MYO5B: variants seen among roughly 807,000 people sequenced by gnomAD.
The protein encoded by MYO5B is unconventional myosin-Vb.
A neutral mutation model predicts 229.3 loss-of-function variants in MYO5B; 143 were observed. That is an observed-to-expected ratio of 0.62 (90% confidence interval 0.54 to 0.72). MYO5B has a LOEUF of 0.72. Ranked by LOEUF, MYO5B falls within the 30% of genes least tolerant of loss-of-function variation. The probability of loss-of-function intolerance (pLI) is 0.00; values close to 1 mark genes in which losing one functional copy is unlikely to be tolerated. For synonymous variants in MYO5B, 918 were observed against 885.2 expected (o/e 1.04, Z -0.66); for missense variants, 2,321 against 2,331.0 (o/e 1.00, Z 0.09).
At chr18:49,989,201 C>A (rs765363346) in intron 7 of MYO5B, among the ~76,000 whole-genome samples, 1 of 152,136 alleles carries the variant, frequency 6.6e-6, no homozygotes, top group Admixed American at 6.5e-5. Context: ...TTGCATGGTA[C>A]AAGCATTGAA....
intron 9 of MYO5B, among the ~76,000 whole-genome samples, chr18:49,977,581 G>C (rs2025765798): frequency 6.6e-6 from 1 of 152,176 alleles, no homozygotes; most frequent in Non-Finnish European, 1.5e-5. Flanking sequence ...CAGGCAAGCA[G>C]AGGGCAGTCT....
chr18:49,930,859 T>C (rs2025182131), intron 16 of MYO5B, among the ~76,000 whole-genome samples: 1 of 148,138 alleles, frequency 6.8e-6, no homozygotes, highest in South Asian at 2.1e-4. Flanking sequence ...GCCACTGCAC[T>C]GCAGCCTGGG....
rs118041378 is a variant in MYO5B, at chr18:50,098,327, C to T, written c.28-42949G>A. 1.2e-4 allele frequency among the ~76,000 whole-genome samples: 18 copies of T among 152,190 alleles called. No homozygotes were observed. The East Asian group carries it at 3.3e-3, about 28-fold the overall frequency. ...GTTTAAGGGGCAAGGTGTAAACTAG[C>T]AATCGTTGCTTTGGAGTTACAGGCT... On this transcript the variant is annotated intron_variant, in intron 1 of 39. Coordinates refer to ENST00000285039, the MANE Select transcript of MYO5B (RefSeq NM_001080467.3).
intron 12 of MYO5B, among the ~76,000 whole-genome samples, chr18:49,957,160 A>AAAAAAAAAAAAAC (rs2025502660): frequency 6.6e-6 from 1 of 150,558 alleles, no homozygotes; most frequent in African/African-American, 2.4e-5. Flanking sequence ...AAAAAAAAAA[A>AAAAAAAAAAAAAC]AAAAAGCAGG....
At chr18:50,129,321 C>T (rs1403127321) in intron 1 of MYO5B, among the ~76,000 whole-genome samples, 2 of 152,258 alleles carry the variant, frequency 1.3e-5, no homozygotes, top group African/African-American at 4.8e-5. Flanking sequence ...TCCCTTTCTC[C>T]TCAAGGGAAC....
chr18:50,073,554 G>A (rs778595273), intron 1 of MYO5B, among the ~76,000 whole-genome samples: 1 of 152,070 alleles, frequency 6.6e-6, no homozygotes, highest in Non-Finnish European at 1.5e-5. Context: ...CTTCTTCTGT[G>A]CATGTAACAT....
intron 2 of MYO5B, among the ~76,000 whole-genome samples, 157 bp from the exon 3 acceptor site, chr18:50,040,471 T>C (rs1003344652): frequency 7.2e-5 from 11 of 152,228 alleles, no homozygotes; most frequent in African/African-American, 2.7e-4. Context: ...AATACCTGTG[T>C]TGCCATGAGA....
intron 4 of MYO5B, among the ~76,000 whole-genome samples, chr18:50,031,198 G>A (rs775353877): frequency 2.6e-5 from 4 of 152,158 alleles, no homozygotes; most frequent in Non-Finnish European, 4.4e-5. Context: ...CATTAAGGGA[G>A]GTAGAACAGC....
chr18:49,991,035 G>A (rs1313550499), intron 6 of MYO5B, among the ~76,000 whole-genome samples: 1 of 151,556 alleles, frequency 6.6e-6, no homozygotes, highest in Non-Finnish European at 1.5e-5. Context: ...GGTGGGGTGG[G>A]TGTGGGGGTG....
intron 9 of MYO5B, among the ~76,000 whole-genome samples, chr18:49,979,587 G>A (rs533161085): frequency 9.8e-4 from 150 of 152,356 alleles, no homozygotes; most frequent in Non-Finnish European, 1.4e-3. Flanking sequence ...GCATTAGCTT[G>A]TGAGCAGCAT....
rs532218918 is a variant in MYO5B, at chr18:50,055,253, C to G, written c.138+15G>C. 1.5e-5 allele frequency: 22 copies of G among 1,465,076 alleles called. No individual in the cohort carries two copies. Among genetic ancestry groups the G allele is most frequent in the South Asian group, 6.8e-5 (6 of 87,808 alleles). The allele number at this position is 1,465,076 out of a possible 1,614,324, so 90.8% of individuals were successfully genotyped here. A position where few individuals can be genotyped will look rare whatever the true frequency, so the allele number is the denominator to read the frequency against. ...CCACCTCACCCCCGCCCCCCTGCCC[C>G]GGACTCACTCTTACCGTTTCATCCT... On this transcript the variant is annotated intron_variant, in intron 2 of 39. Coordinates refer to ENST00000285039, the MANE Select transcript of MYO5B (RefSeq NM_001080467.3).
intron 1 of MYO5B, among the ~76,000 whole-genome samples, chr18:50,188,808 A>ACC (rs2033187966): frequency 6.9e-6 from 1 of 144,176 alleles, no homozygotes; most frequent in African/African-American, 2.6e-5. Context: ...AAAAAAAAAA[A>ACC]AAAAAAAAAC....
chr18:50,106,360 T>G (rs918167984), intron 1 of MYO5B, among the ~76,000 whole-genome samples: 2 of 152,162 alleles, frequency 1.3e-5, no homozygotes, highest in African/African-American at 2.4e-5. Flanking sequence ...TTCCCTCCCT[T>G]GCTCAGAGCT....
intron 26 of MYO5B, among the ~76,000 whole-genome samples, chr18:49,872,615 T>C (rs1309018855): frequency 1.3e-5 from 2 of 152,136 alleles, no homozygotes; most frequent in African/African-American, 4.8e-5. Flanking sequence ...GTAATCAAGT[T>C]AAGCTGGGGT....
chr18:49,930,871 G>A (rs1247132362), intron 16 of MYO5B, among the ~76,000 whole-genome samples: 10 of 144,860 alleles, frequency 6.9e-5, no homozygotes, highest in South Asian at 2.2e-4. Context: ...CAGCCTGGGT[G>A]ACAGAGTGAG....
intron 9 of MYO5B, 79 bp from the exon 10 acceptor site, chr18:49,974,694 C>T: frequency 5.2e-6 from 8 of 1,534,806 alleles, no homozygotes; most frequent in Non-Finnish European, 7.1e-6. Flanking sequence ...CACCCTCCTG[C>T]CCAGAGGGAA....
intron 17 of MYO5B, among the ~76,000 whole-genome samples, chr18:49,923,943 C>G (rs905360904): frequency 2.0e-5 from 3 of 152,150 alleles, no homozygotes; most frequent in African/African-American, 7.2e-5. Flanking sequence ...CACCTTGGGT[C>G]TCTCTGCTCA....
intron 1 of MYO5B, among the ~76,000 whole-genome samples, chr18:50,115,551 C>G (rs556225782): frequency 0.08 from 3,869 of 48,298 alleles, 165 homozygotes; most frequent in African/African-American, 0.25. Context: ...CAGAGAGACA[C>G]ACACACACAC....
At chr18:50,107,222 T>A (rs1012602814) in intron 1 of MYO5B, among the ~76,000 whole-genome samples, 1 of 145,118 alleles carries the variant, frequency 6.9e-6, no homozygotes, top group African/African-American at 2.5e-5. Flanking sequence ...CAGGTGGCAC[T>A]TGAAAGTGAT....
Sources: allele counts gnomAD v4.1 joint callset (sites outside exome capture counted in the v4.1 genomes callset), GRCh38; gene constraint gnomAD v4.1.1; transcripts MANE v1.5; gene names NCBI Gene and HGNC (gene_info 2026-07-23, HGNC 2026-07-21).